MATN3: variants seen among roughly 807,000 people sequenced by gnomAD.
MATN3 encodes the protein matrilin 3, also known as matrilin-3.
Under a neutral mutation model 45.3 loss-of-function variants are expected in MATN3, and 48 were observed. The ratio of observed to expected loss-of-function variants is 1.06; its 90% CI spans 0.84 to 1.35. MATN3 has a LOEUF of 1.35. MATN3 is among the 40% of genes most tolerant of loss of function. MATN3 has a pLI of 0.00. For missense variants in MATN3, 599 were observed against 628.0 expected (o/e 0.95, Z 0.49); for synonymous variants, 217 against 245.9 (o/e 0.88, Z 1.10).
chr2:19,998,062 C>G (rs1343084083), intron 5 of MATN3, among the ~76,000 whole-genome samples: 3 of 152,194 alleles, frequency 2.0e-5, no homozygotes, highest in Admixed American at 2.0e-4. Context: ...GTTTATTTCC[C>G]TCTAATTTTC....
At chr2:20,005,513 A>G (rs186186111) in intron 2 of MATN3, among the ~76,000 whole-genome samples, 135 of 152,334 alleles carry the variant, frequency 8.9e-4, no homozygotes, top group Non-Finnish European at 6.8e-4. Context: ...TGAAGATTTT[A>G]TGAGCAAACC....
At chr2:20,003,111 A>G (rs938059807) in intron 3 of MATN3, 50 bp downstream of exon 3, 1 of 1,605,420 alleles carries the variant, frequency 6.2e-7, no homozygotes, top group Non-Finnish European at 8.5e-7. Flanking sequence ...AACCTGGAGC[A>G]TAGGTTCCCA....
At chr2:19,994,977 C>T (rs1318911840) in intron 6 of MATN3, among the ~76,000 whole-genome samples, 1 of 152,080 alleles carries the variant, frequency 6.6e-6, no homozygotes, top group Non-Finnish European at 1.5e-5. Context: ...GTAATCCTAG[C>T]TACTCGAGAG....
chr2:20,001,984 G>C lies in MATN3; in HGVS notation c.1013C>G (p.Thr338Ser). 6.2e-7 allele frequency: 1 copy of C among 1,613,352 alleles called. No homozygotes were observed. The highest frequency in any genetic ancestry group is 8.5e-7 in the Non-Finnish European group (1 of 1,179,548). ...ACAAGTTTTCCTGTCTTCATTCAAG[G>C]TATAACCTTCATAGCACTCACAATG... is the stretch of plus-strand genomic sequence containing the variant. ...SYHCECYEGY[T>S]LNEDRKTCSA... The change falls in exon 4 of 8, where the codon ACC (threonine) becomes AGC (serine). Residue 338 changes from threonine (T) to serine (S), a missense_variant. Physicochemically the swap from Thr to Ser is moderately conservative, Grantham distance 58. Coordinates refer to ENST00000407540, the MANE Select transcript of MATN3 (RefSeq NM_002381.5).
intron 1 of MATN3, among the ~76,000 whole-genome samples, chr2:20,006,805 C>T (rs1474342287): frequency 6.6e-6 from 1 of 152,200 alleles, no homozygotes; most frequent in Non-Finnish European, 1.5e-5. Flanking sequence ...TCTGGTGGCC[C>T]CCCTCTTTTA....
At chr2:20,004,813 T>C (rs914206720) in intron 2 of MATN3, among the ~76,000 whole-genome samples, 2 of 152,170 alleles carry the variant, frequency 1.3e-5, no homozygotes, top group Non-Finnish European at 2.9e-5. Flanking sequence ...ATAAATTATA[T>C]TGCAAAAAGA....
chr2:20,004,550 G>A (rs1441178710), intron 2 of MATN3, among the ~76,000 whole-genome samples: 3 of 152,216 alleles, frequency 2.0e-5, no homozygotes, highest in Admixed American at 6.5e-5. Flanking sequence ...TCCCAGCCAA[G>A]TCTGACTGCA....
chr2:20,004,336 G>C (rs1262265844), intron 2 of MATN3: 2 of 152,240 alleles, frequency 1.3e-5, no homozygotes, highest in Non-Finnish European at 2.9e-5. Flanking sequence ...CCCAACCCCA[G>C]GTGCTAGCTT....
Position 19,993,157 on chromosome 2 carries a change from A to G in MATN3, c.1415T>C (p.Ile472Thr), listed in dbSNP as rs777175397. The change falls in exon 8 of 8, where the codon ATT becomes ACT. Residue 472 changes from isoleucine (I) to threonine (T), a missense_variant. Coordinates refer to ENST00000407540, the MANE Select transcript of MATN3 (RefSeq NM_002381.5). ...TTCATTTATTTTCAACTTCTCCAAA[A>G]TGTCATCAAGTGGCAAGTTGTTAAG... ...LQRLNTKLDD[I>T]LEKLKINEYG... The G allele has an allele frequency of 6.2e-7, 1 of 1,612,054 alleles. No homozygotes were observed. The highest frequency in any genetic ancestry group is 1.1e-5 in the South Asian group (1 of 90,866).
At chr2:20,003,504 A>T (rs147662491) in intron 2 of MATN3, among the ~76,000 whole-genome samples, 1 of 152,376 alleles carries the variant, frequency 6.6e-6, no homozygotes, top group African/African-American at 2.4e-5. Flanking sequence ...CTTGCTATAT[A>T]GACTTTCTCA....
chr2:20,011,129 AAT>A (rs1369121341), intron 1 of MATN3, among the ~76,000 whole-genome samples: 3 of 152,266 alleles, frequency 2.0e-5, no homozygotes, highest in African/African-American at 7.2e-5. Context: ...AACAGGGTGG[AAT>A]CTCGCATTTA....
intron 1 of MATN3, among the ~76,000 whole-genome samples, chr2:20,011,768 C>T (rs1673223410): frequency 6.6e-6 from 1 of 152,230 alleles, no homozygotes; most frequent in African/African-American, 2.4e-5. Flanking sequence ...CCTCAGTTTC[C>T]CTTCATGTGC....
chr2:19,996,116 A>G (rs1386838454), intron 6 of MATN3, among the ~76,000 whole-genome samples: 1 of 152,158 alleles, frequency 6.6e-6, no homozygotes, highest in Non-Finnish European at 1.5e-5. Context: ...CACTTCATAG[A>G]AAATTGTAAA....
At position 20,000,450 on chromosome 2, in the gene MATN3, T is replaced by A; in HGVS notation, c.1159A>T (p.Thr387Ser). The A allele has an allele frequency of 6.2e-7, 1 of 1,604,988 alleles. No individual in the cohort carries two copies. The highest frequency in any genetic ancestry group is 1.1e-5 in the South Asian group (1 of 88,500). ...TTTGAGTGGATCTTACCTGAACATG[T>A]TTTTTTATCTGCATTCAGAGTGTAG... The part of the protein sequence containing the change: ...EGYTLNADKK[T>S]CSVRDKCALG... Residue 387 changes from threonine (T) to serine (S), a missense_variant, in exon 5 of 8, where the codon ACA becomes TCA. Transcript: ENST00000407540.
chr2:20,002,011 T>C lies in MATN3; in HGVS notation c.986A>G (p.Tyr329Cys). ...ATAACCTTCATAGCACTCACAATGA[T>C]AAGAGCCACTTCTGTCATTCACACA... ...HICVNDRSGS[Y>C]HCECYEGYTL... Residue 329 changes from tyrosine (Y) to cysteine (C), a missense_variant, in exon 4 of 8, where the codon TAT (tyrosine) becomes TGT (cysteine). By Grantham distance (194) the Tyr-to-Cys change is radical (BLOSUM62 -2). Coordinates refer to ENST00000407540, the MANE Select transcript of MATN3 (RefSeq NM_002381.5). The C allele has an allele frequency of 6.2e-7, 1 of 1,613,434 alleles. No homozygotes were observed. The highest frequency in any genetic ancestry group is 1.1e-5 in the South Asian group (1 of 91,034).
At chr2:20,002,540 C>A (rs953181327) in intron 3 of MATN3, among the ~76,000 whole-genome samples, 1 of 152,082 alleles carries the variant, frequency 6.6e-6, no homozygotes, top group South Asian at 2.1e-4. Flanking sequence ...GAAATAAAAT[C>A]CAGGAAAATT....
chr2:20,012,552 G>A lies in MATN3; in HGVS notation c.80C>T (p.Ala27Val), dbSNP rs1484050894. The part of the protein sequence containing the change: ...LWPLLLLPSA[A>V]PDPVARPGFR... ...GCCCGGGCGGGCCACGGGGTCGGGG[G>A]CGGCGGAGGGCAGCAGCAGCAGCGG... is the stretch of plus-strand genomic sequence containing the variant. The change falls in exon 1 of 8, where the codon GCC becomes GTC. Residue 27 changes from alanine to valine, a missense_variant. By Grantham distance (64) the Ala-to-Val change is moderately conservative. Transcript: ENST00000407540. This position sits in a 1 kb window ranked among gnomAD's most constrained non-coding sequence, Gnocchi z 4.3. The A allele has an allele frequency of 3.3e-6, 4 of 1,226,278 alleles. No individual in the cohort carries two copies. In the African/African-American group the frequency reaches 4.7e-5, roughly 14 times the overall value. The allele number at this position is 1,226,278 out of a possible 1,614,324, so 76.0% of individuals were successfully genotyped here.
At chr2:19,997,106 G>C (rs1410289587) in intron 6 of MATN3, 28 bp downstream of exon 6, 2 of 1,608,846 alleles carry the variant, frequency 1.2e-6, no homozygotes, top group Admixed American at 1.7e-5. Flanking sequence ...CCTACCAAAG[G>C]AAATAGCCTT....
In MATN3 at chr2:19,997,138, A is replaced by G. The variant is rs749669494; in HGVS notation, c.1290T>C (p.Cys430=). The G allele has an allele frequency of 2.5e-6, 4 of 1,613,746 alleles. No homozygotes were observed. The East Asian group carries it at 6.7e-5, about 27-fold the overall frequency. The change falls in exon 6 of 8, where the codon TGT becomes TGC. Residue 430 remains cysteine, a synonymous_variant. Transcript: ENST00000407540. The stretch of plus-strand genomic sequence containing the variant: ...CCTTAAAGGGCTGATCCTCACCTGA[A>G]CATGTTTTCTTGTCCTCATTTAAGG... ...GYTLNEDKKT[C]SATEEARRLV...
Sources: gnomAD v4.1 joint callset for allele counts (sites outside exome capture counted in the v4.1 genomes callset) on GRCh38, gnomAD v4.1.1 for gene constraint, Gnocchi (gnomAD v3.1) non-coding constraint, MANE v1.5 for transcripts, NCBI Gene and HGNC (gene_info 2026-07-23, HGNC 2026-07-21) for gene names.